The following RELL1 variants were observed in gnomAD, a reference collection of about 807,000 sequenced individuals.
The protein encoded by RELL1 is RELT like 1, also known as RELT-like protein 1.
In RELL1, 10 loss-of-function variants were observed where a neutral mutation model predicts 23.0. The ratio of observed to expected loss-of-function variants is 0.43; its 90% CI spans 0.27 to 0.74. The LOEUF (loss-of-function observed/expected upper bound fraction) is 0.74, where lower values mean the gene tolerates loss of function less well. RELL1 is among the 30% of genes least tolerant of loss of function. RELL1 has a pLI of 0.19. For missense variants in RELL1, 315 were observed against 364.4 expected (o/e 0.86, Z 1.10); for synonymous variants, 146 against 146.8 (o/e 0.99, Z 0.04).
chr4:37,640,349 T>A (rs150454413), intron 3 of RELL1, among the ~76,000 whole-genome samples: 93 of 152,358 alleles, frequency 6.1e-4, no homozygotes, highest in African/African-American at 2.1e-3. Context: ...AAGAAGACAG[T>A]TCCCTCTGTA....
At chr4:37,602,825 G>A (rs1028118595) in intron 6 of RELL1, among the ~76,000 whole-genome samples, 9 of 152,132 alleles carry the variant, frequency 5.9e-5, no homozygotes, top group Non-Finnish European at 1.3e-4. Flanking sequence ...ACTTCTCTGA[G>A]ACCACACCAC....
At chr4:37,590,970 T>C in exon 7 of RELL1, 3 of 1,613,184 alleles carry the variant, frequency 1.9e-6, no homozygotes, top group Non-Finnish European at 1.7e-6. Flanking sequence ...AAGCTGCTAC[T>C]GCAGGAGAAG....
chr4:37,684,081 GA>G (rs1318094191), intron 1 of RELL1, among the ~76,000 whole-genome samples: 1 of 151,884 alleles, frequency 6.6e-6, no homozygotes, highest in African/African-American at 2.4e-5. Context: ...GTCTCAAAAA[GA>G]AAAAAATAAA....
chr4:37,614,120 A>G (rs1226450119), intron 6 of RELL1, among the ~76,000 whole-genome samples: 1 of 152,246 alleles, frequency 6.6e-6, no homozygotes, highest in African/African-American at 2.4e-5. Context: ...CAGCTTGCAG[A>G]AATATGAAGA....
chr4:37,655,361 G>T (rs1161262350), intron 1 of RELL1, among the ~76,000 whole-genome samples: 1 of 152,180 alleles, frequency 6.6e-6, no homozygotes, highest in Non-Finnish European at 1.5e-5. Context: ...TGTATTTGGA[G>T]ATAGGATCTT....
At chr4:37,613,601 T>G (rs1292594859) in intron 6 of RELL1, among the ~76,000 whole-genome samples, 11 of 152,138 alleles carry the variant, frequency 7.2e-5, no homozygotes, top group Admixed American at 7.2e-4. Flanking sequence ...CCCCTTTCTC[T>G]CTCTTGCTCC....
At position 37,599,448 on chromosome 4, in the gene RELL1, T is replaced by C. The variant is rs73807841; in HGVS notation, c.*4-8231A>G. On this transcript the variant is annotated intron_variant, in intron 6 of 6. Transcript: ENST00000314117. ...GGGTGATGAAGAAACTGTATTCTCA[T>C]GCTGATCCCATTTGTCTGGGTGGGT... Among the ~76,000 whole-genome samples, 835 of 152,318 alleles carry C rather than the reference T, an allele frequency of 5.5e-3. 11 individuals are homozygous for C. The highest frequency in any genetic ancestry group is 0.02 in the African/African-American group (812 of 41,578).
chr4:37,647,223 G>C (rs3849018), intron 3 of RELL1, 145 bp downstream of exon 3: 1 of 578,964 alleles, frequency 1.7e-6, no homozygotes, highest in African/African-American at 1.9e-5. Context: ...TGAAACTTGC[G>C]TAGCTGAATA....
intron 3 of RELL1, among the ~76,000 whole-genome samples, chr4:37,642,715 A>T (rs1720570951): frequency 2.0e-5 from 3 of 152,212 alleles, no homozygotes; most frequent in African/African-American, 7.2e-5. Context: ...AGTCATCATT[A>T]AGACCAAGTG....
chr4:37,604,879 AT>A, intron 6 of RELL1, among the ~76,000 whole-genome samples: 2 of 48,056 alleles, frequency 4.2e-5, no homozygotes, highest in Admixed American at 2.2e-4. Context: ...ACACACACAC[AT>A]ACACACAGAC....
At chr4:37,598,094 T>TATATATATATATAA (rs1000920633) in intron 6 of RELL1, among the ~76,000 whole-genome samples, 3 of 140,264 alleles carry the variant, frequency 2.1e-5, no homozygotes, top group East Asian at 2.0e-4. Context: ...TATATATATA[T>TATATATATATATAA]AACTCCTCCT....
intron 6 of RELL1, among the ~76,000 whole-genome samples, chr4:37,624,624 T>C (rs2109248868): frequency 6.6e-6 from 1 of 151,978 alleles, no homozygotes. Context: ...AGAGACGGGG[T>C]TTCACTGTGT....
At chr4:37,601,534 G>C (rs970047850) in intron 6 of RELL1, among the ~76,000 whole-genome samples, 1 of 152,220 alleles carries the variant, frequency 6.6e-6, no homozygotes, top group Admixed American at 6.5e-5. Flanking sequence ...TGCTCTTATC[G>C]GGAGCTGTAA....
intron 2 of RELL1, 138 bp downstream of exon 2, chr4:37,649,138 A>G: frequency 1.3e-6 from 1 of 745,332 alleles, no homozygotes; most frequent in Non-Finnish European, 2.3e-6. Flanking sequence ...TTACTGCACA[A>G]TCTGCACTTA....
At position 37,643,032 on chromosome 4, in the gene RELL1, T is replaced by C. The variant is rs919159837; in HGVS notation, c.385+4336A>G. ...TGTTTCCCTGAGTCCTGTAACCCAT[T>C]CTAGGATTGTGGATCCCTCCTCCCA... On this transcript the variant is annotated intron_variant, in intron 3 of 6. Coordinates refer to ENST00000454158, the MANE Select transcript of RELL1 (RefSeq NM_001085400.2). Among the ~76,000 whole-genome samples the C allele has an allele frequency of 3.3e-5, 5 of 152,302 alleles. 1 individual carries two copies. In the East Asian group the frequency reaches 9.7e-4, roughly 29 times the overall value.
intron 1 of RELL1, among the ~76,000 whole-genome samples, chr4:37,657,699 G>A (rs1443071731): frequency 6.6e-6 from 1 of 152,102 alleles, no homozygotes; most frequent in Non-Finnish European, 1.5e-5. Context: ...GATTTTGGGA[G>A]GGCAAGGTGA....
chr4:37,588,973 G>T, downstream of RELL1: 1 of 1,070,358 alleles, frequency 9.3e-7, no homozygotes, highest in Non-Finnish European at 1.5e-6. Flanking sequence ...AAGACCATGC[G>T]TGTATTCAGT....
intron 1 of RELL1, among the ~76,000 whole-genome samples, chr4:37,659,722 C>G (rs930983961): frequency 2.0e-5 from 3 of 152,144 alleles, no homozygotes; most frequent in African/African-American, 7.2e-5. Context: ...ATTCCCCAAC[C>G]TTCTGCAGCC....
chr4:37,646,008 T>C (rs1720698451), intron 3 of RELL1, among the ~76,000 whole-genome samples: 1 of 152,162 alleles, frequency 6.6e-6, no homozygotes, highest in Non-Finnish European at 1.5e-5. Flanking sequence ...CTGATGAGTG[T>C]GGTGTATTTC....
Sources: gnomAD v4.1 joint callset for allele counts (sites outside exome capture counted in the v4.1 genomes callset) on GRCh38, gnomAD v4.1.1 for gene constraint, MANE v1.5 for transcripts, NCBI Gene and HGNC (gene_info 2026-07-23, HGNC 2026-07-21) for gene names.